Variants in LPAR6 observed in about 807,000 individuals in gnomAD.
The protein encoded by LPAR6 is G-protein coupled purinergic receptor P2Y5.
Under a neutral mutation model 22.0 loss-of-function variants are expected in LPAR6, and 17 were observed. The ratio of observed to expected loss-of-function variants is 0.77; its 90% CI spans 0.53 to 1.16. The LOEUF is 1.16. Ranked by LOEUF, LPAR6 falls within the 50% of genes most tolerant of loss-of-function variation. The pLI, the probability that LPAR6 is intolerant of heterozygous loss-of-function variation, is 0.00. For synonymous variants in LPAR6, 136 were observed against 139.8 expected, an observed-to-expected ratio of 0.97 and a Z score of 0.19; for missense variants, 384 against 406.9, an observed-to-expected ratio of 0.94 and a Z score of 0.48.
intron 2 of LPAR6, among the ~76,000 whole-genome samples, chr13:48,421,772 C>A (rs891792982): frequency 6.6e-6 from 1 of 152,146 alleles, no homozygotes; most frequent in African/African-American, 2.4e-5. Flanking sequence ...AACAAAAGCT[C>A]ATCATCAGCG....
intron 1 of LPAR6, chr13:48,401,524 C>G (rs1431807416): frequency 6.6e-6 from 1 of 152,100 alleles, no homozygotes; most frequent in African/African-American, 2.4e-5. Context: ...TAAAATAGAA[C>G]AACTTTTTGG....
intron 1 of LPAR6, among the ~76,000 whole-genome samples, chr13:48,437,811 A>G (rs1949199557): frequency 1.3e-5 from 2 of 152,192 alleles, no homozygotes; most frequent in Admixed American, 1.3e-4. Flanking sequence ...TCATTGGCCC[A>G]CAGACTAACC....
intron 1 of LPAR6, among the ~76,000 whole-genome samples, chr13:48,424,913 G>T (rs561972538): frequency 4.5e-4 from 68 of 152,094 alleles, no homozygotes; most frequent in Non-Finnish European, 8.8e-4. Context: ...TGTTATCCAG[G>T]TGTGGTGGCT....
chr13:48,396,808 A>C (rs1308351079), intron 1 of LPAR6, among the ~76,000 whole-genome samples: 2 of 152,214 alleles, frequency 1.3e-5, no homozygotes, highest in African/African-American at 4.8e-5. Context: ...CAGGAAAACA[A>C]ACAACCCTAT....
At position 48,411,911 on chromosome 13, in the gene LPAR6, A is replaced by T. The variant is rs578126044; in HGVS notation, c.513T>A (p.Asn171Lys). 1.2e-6 allele frequency: 2 copies of T among 1,612,728 alleles called. No individual in the cohort carries two copies. Among genetic ancestry groups the T allele is most frequent in the Admixed American group, 1.7e-5 (1 of 59,820 alleles). ...ATGTTTTCCATGTGGCTTCTGGAAA[A>T]TTTTCAAAGCAGGCTTCTGAGGCAT... is the stretch of plus-strand genomic sequence containing the variant. Reference protein sequence around the residue: ...GNNASEACFENFPEATWKTYL... With the variant: ...GNNASEACFEKFPEATWKTYL... The change falls in exon 1 of 1, where the codon AAT (asparagine) becomes AAA (lysine). Residue 171 changes from asparagine to lysine, a missense_variant. Coordinates refer to ENST00000620633, the MANE Select transcript of LPAR6 (RefSeq NM_001162498.3).
chr13:48,411,159 A>C lies in LPAR6; in HGVS notation c.*230T>G, dbSNP rs906785127. The C allele has an allele frequency of 2.5e-6, 1 of 407,792 alleles. No homozygotes were observed. The highest frequency in any genetic ancestry group is 2.0e-5 in the African/African-American group (1 of 50,374). The allele number at this position is 407,792 out of a possible 1,614,324, so 25.3% of individuals were successfully genotyped here. On this transcript the variant is annotated 3_prime_UTR_variant, in exon 1 of 1. Transcript: ENST00000620633. The stretch of plus-strand genomic sequence containing the variant: ...TAAATAACTTTAAGAGATTTTTTTT[A>C]ATGAAGGAACAAATCAAAATGGCTC...
chr13:48,396,840 G>T (rs1448679657), intron 1 of LPAR6, among the ~76,000 whole-genome samples: 1 of 152,264 alleles, frequency 6.6e-6, no homozygotes, highest in Non-Finnish European at 1.5e-5. Context: ...TGAAGGATAT[G>T]AACAGACACT....
At chr13:48,436,541 G>A (rs1286620972) in intron 1 of LPAR6, among the ~76,000 whole-genome samples, 2 of 152,086 alleles carry the variant, frequency 1.3e-5, no homozygotes, top group South Asian at 2.1e-4. Context: ...TACTCGGGAG[G>A]CTGAGGCAGG....
intron 1 of LPAR6, among the ~76,000 whole-genome samples, chr13:48,397,780 A>G (rs575526471): frequency 6.6e-6 from 1 of 152,320 alleles, no homozygotes; most frequent in Admixed American, 6.5e-5. Context: ...AAACTTATAA[A>G]CAAAATTTTA....
chr13:48,415,030 C>A (rs1223372526), upstream of LPAR6, among the ~76,000 whole-genome samples: 1 of 151,840 alleles, frequency 6.6e-6, no homozygotes, highest in Non-Finnish European at 1.5e-5. Flanking sequence ...TTTAAAAAAA[C>A]AAAATCTTAG....
intron 1 of LPAR6, among the ~76,000 whole-genome samples, chr13:48,397,482 G>A (rs920911575): frequency 2.0e-5 from 3 of 152,028 alleles, no homozygotes; most frequent in African/African-American, 4.8e-5. Context: ...ATCACACACC[G>A]GGGCCTGTCA....
chr13:48,401,356 CAAA>C (rs1193315388), intron 1 of LPAR6: 4 of 152,016 alleles, frequency 2.6e-5, no homozygotes, highest in Non-Finnish European at 5.9e-5. Flanking sequence ...ATGCAAGAAA[CAAA>C]GAAGAGAAAT....
chr13:48,440,032 G>A (rs766488410), intron 1 of LPAR6, among the ~76,000 whole-genome samples: 2 of 152,062 alleles, frequency 1.3e-5, no homozygotes, highest in Non-Finnish European at 2.9e-5. Flanking sequence ...GAATAGGGTA[G>A]GAAGGAGATA....
chr13:48,439,968 A>G (rs1949220830), intron 1 of LPAR6, among the ~76,000 whole-genome samples: 2 of 152,198 alleles, frequency 1.3e-5, no homozygotes, highest in Admixed American at 6.5e-5. Context: ...AGATACATGC[A>G]TACATATATA....
chr13:48,426,514 C>T (rs1029389876), intron 1 of LPAR6: 3 of 152,170 alleles, frequency 2.0e-5, no homozygotes, highest in African/African-American at 4.8e-5. Context: ...TTGCATTAGT[C>T]TTAATATCCT....
intron 1 of LPAR6, among the ~76,000 whole-genome samples, chr13:48,403,327 C>T (rs1271980691): frequency 6.6e-6 from 1 of 151,932 alleles, no homozygotes; most frequent in African/African-American, 2.4e-5. Flanking sequence ...CCCCGCAAAC[C>T]CTACAGAAGT....
At position 48,411,434 on chromosome 13, in the gene LPAR6, T is replaced by TA. The variant is rs767433920; in HGVS notation, c.989dup (p.Gln331ThrfsTer6). The TA allele has an allele frequency of 1.3e-5, 21 of 1,613,264 alleles. No individual in the cohort carries two copies. The South Asian group carries it at 2.3e-4, about 18-fold the overall frequency. On this transcript the variant is annotated frameshift_variant, in exon 1 of 1. Coordinates refer to ENST00000620633, the MANE Select transcript of LPAR6 (RefSeq NM_001162498.3). LOFTEE classifies it high-confidence loss of function. ...CAAATATCTTACTTTTTAAGGTCTG[T>TA]AGGTTATGCTGAATAAAATTCTCTG...
At chr13:48,410,513 C>T (rs1184157740), downstream of LPAR6, among the ~76,000 whole-genome samples, 1 of 152,118 alleles carries the variant, frequency 6.6e-6, no homozygotes, top group African/African-American at 2.4e-5. Context: ...ATGCCAAGTA[C>T]TATATTTCAC....
intron 1 of LPAR6, among the ~76,000 whole-genome samples, chr13:48,436,277 G>A (rs1394651624): frequency 1.3e-5 from 2 of 152,156 alleles, no homozygotes; most frequent in East Asian, 1.9e-4. Flanking sequence ...GTGTCCAGTT[G>A]GAAATATGGA....
Sources: gnomAD v4.1 joint callset for allele counts (sites outside exome capture counted in the v4.1 genomes callset) on GRCh38, gnomAD v4.1.1 for gene constraint, MANE v1.5 for transcripts, NCBI Gene and HGNC (gene_info 2026-07-23, HGNC 2026-07-21) for gene names.